AKT3: variants seen among roughly 807,000 people sequenced by gnomAD.
AKT3 encodes RAC-gamma serine/threonine-protein kinase.
AKT3 carries 15 observed loss-of-function variants against 65.3 expected under a neutral mutation model. The ratio of observed to expected loss-of-function variants is 0.23; its 90% CI spans 0.15 to 0.35. AKT3 has a LOEUF of 0.35. Ranked by LOEUF, AKT3 falls within the 10% of genes least tolerant of loss-of-function variation. The probability of loss-of-function intolerance (pLI) is 1.00; values close to 1 mark genes in which losing one functional copy is unlikely to be tolerated. For synonymous variants in AKT3, 206 were observed against 183.8 expected (o/e 1.12, Z -0.98); for missense variants, 243 against 576.5 (o/e 0.42, Z 5.92).
At chr1:243,707,849 G>A (rs1685901369) in intron 2 of AKT3, among the ~76,000 whole-genome samples, 1 of 152,030 alleles carries the variant, frequency 6.6e-6, no homozygotes, top group Non-Finnish European at 1.5e-5. Flanking sequence ...ACAGGAATAA[G>A]TGTATTTCAA....
chr1:243,684,931 G>A (rs377145407), intron 3 of AKT3, among the ~76,000 whole-genome samples: 10 of 152,058 alleles, frequency 6.6e-5, no homozygotes, highest in Non-Finnish European at 1.3e-4. Context: ...TTTTTCATAT[G>A]TTGGTTGGCC....
At chr1:243,654,909 A>G (rs1288927316) in intron 4 of AKT3, among the ~76,000 whole-genome samples, 3 of 151,714 alleles carry the variant, frequency 2.0e-5, no homozygotes, top group African/African-American at 7.3e-5. Flanking sequence ...GAGATTAGGG[A>G]TTTTCTTCAT....
At chr1:243,720,494 G>C (rs1380396876) in intron 2 of AKT3, among the ~76,000 whole-genome samples, 4 of 143,064 alleles carry the variant, frequency 2.8e-5, no homozygotes, top group Non-Finnish European at 6.0e-5. Context: ...ATAATTAAAA[G>C]CTAAGTATAA....
intron 2 of AKT3, among the ~76,000 whole-genome samples, chr1:243,799,440 A>G (rs956928715): frequency 1.3e-5 from 2 of 152,224 alleles, no homozygotes; most frequent in Non-Finnish European, 2.9e-5. Flanking sequence ...TAAAAACTAT[A>G]CTGTTAATTA....
chr1:243,560,074 CCTAT>C (rs1463486202), intron 10 of AKT3, among the ~76,000 whole-genome samples: 1 of 152,044 alleles, frequency 6.6e-6, no homozygotes, highest in African/African-American at 2.4e-5. Context: ...CATTTCAATC[CCTAT>C]CTATGTGTCC....
chr1:243,743,763 C>T (rs1255075620), intron 2 of AKT3, among the ~76,000 whole-genome samples: 1 of 152,172 alleles, frequency 6.6e-6, no homozygotes, highest in Non-Finnish European at 1.5e-5. Context: ...CCTGTCATGC[C>T]TGTAATCCCA....
chr1:243,489,404 G>T (rs1665828761), intron 13 of AKT3, among the ~76,000 whole-genome samples: 1 of 152,226 alleles, frequency 6.6e-6, no homozygotes, highest in Admixed American at 6.5e-5. Context: ...GCCAAGTTGC[G>T]CCGTGCAGGC....
At chr1:243,780,418 G>T (rs2148305687) in intron 2 of AKT3, among the ~76,000 whole-genome samples, 1 of 151,930 alleles carries the variant, frequency 6.6e-6, no homozygotes, top group East Asian at 1.9e-4. Context: ...CTTGATTTTG[G>T]TAACTATAAT....
In AKT3 at chr1:243,842,709, C is replaced by T. The variant is rs879433906; in HGVS notation, c.46+416G>A. Among the ~76,000 whole-genome samples the T allele has an allele frequency of 5.3e-5, 8 of 152,276 alleles. No homozygotes were observed. The South Asian group carries it at 1.2e-3, about 24-fold the overall frequency. On this transcript the variant is annotated intron_variant, in intron 2 of 13. Transcript: ENST00000673466. The stretch of plus-strand genomic sequence containing the variant: ...ACCCTTTCCCCTTTTCTACTTTAAG[C>T]CATTCCCCTACAACCATTCAAACTG...
intron 2 of AKT3, among the ~76,000 whole-genome samples, chr1:243,820,398 C>T (rs951753986): frequency 6.6e-6 from 1 of 152,194 alleles, no homozygotes; most frequent in Non-Finnish European, 1.5e-5. Flanking sequence ...TGCCTCTTCT[C>T]CTCCAAATGA....
chr1:243,620,102 C>A (rs1044869253), intron 6 of AKT3, among the ~76,000 whole-genome samples: 1 of 98,168 alleles, frequency 1.0e-5, no homozygotes, highest in Non-Finnish European at 2.8e-5. Context: ...TGGGAGGTGA[C>A]TGGGATCAGG....
intron 8 of AKT3, among the ~76,000 whole-genome samples, chr1:243,587,766 A>T (rs1211633208): frequency 6.6e-6 from 1 of 152,190 alleles, no homozygotes; most frequent in African/African-American, 2.4e-5. Context: ...ACAATATAAT[A>T]CGATAAATTT....
chr1:243,616,387 C>T (rs1203279641), intron 6 of AKT3, among the ~76,000 whole-genome samples: 1 of 140,882 alleles, frequency 7.1e-6, no homozygotes, highest in Non-Finnish European at 1.5e-5. Flanking sequence ...ATATTTCAAA[C>T]CAAAAATAAA....
intron 2 of AKT3, among the ~76,000 whole-genome samples, chr1:243,803,819 CCT>C (rs944619894): frequency 2.0e-5 from 3 of 152,144 alleles, no homozygotes; most frequent in South Asian, 2.1e-4. Flanking sequence ...TTGCCATCCC[CCT>C]GACTCCTGGC....
chr1:243,666,159 A>G lies in AKT3; in HGVS notation c.173-1276T>C, dbSNP rs1682759376. Reference sequence around the variant, plus strand: ...GCTGTGATTACAGGCGTGCACCACCATGCCCAGCTTATTTTTCTAATTTTA... The same window carrying G: ...GCTGTGATTACAGGCGTGCACCACCGTGCCCAGCTTATTTTTCTAATTTTA... On this transcript the variant is annotated intron_variant, in intron 3 of 13. Coordinates refer to ENST00000673466, the MANE Select transcript of AKT3 (RefSeq NM_005465.7). Among the ~76,000 whole-genome samples the G allele has an allele frequency of 4.6e-5, 7 of 152,046 alleles. 1 individual carries two copies. In the South Asian group the frequency reaches 1.2e-3, roughly 27 times the overall value.
At chr1:243,602,687 A>C (rs951379498) in intron 8 of AKT3, among the ~76,000 whole-genome samples, 61 of 152,168 alleles carry the variant, frequency 4.0e-4, no homozygotes, top group Admixed American at 2.0e-4. Context: ...GCCGTATTGC[A>C]AAAAAATCAA....
At chr1:243,715,930 A>G (rs1686487017) in intron 2 of AKT3, among the ~76,000 whole-genome samples, 2 of 152,098 alleles carry the variant, frequency 1.3e-5, no homozygotes, top group South Asian at 4.1e-4. Flanking sequence ...TTAACAGAAT[A>G]ATGATGGCTT....
chr1:243,644,870 G>A (rs1279069856), intron 5 of AKT3, among the ~76,000 whole-genome samples: 7 of 152,074 alleles, frequency 4.6e-5, no homozygotes, highest in Non-Finnish European at 8.8e-5. Context: ...CAATGATGGA[G>A]GAACAAGGCA....
At chr1:243,608,293 A>T (rs1483343888) in intron 8 of AKT3, among the ~76,000 whole-genome samples, 1 of 152,212 alleles carries the variant, frequency 6.6e-6, no homozygotes, top group Non-Finnish European at 1.5e-5. Flanking sequence ...AACACATAAA[A>T]ATCACAAGCA....
Sources: gnomAD v4.1 joint callset for allele counts (sites outside exome capture counted in the v4.1 genomes callset) on GRCh38, gnomAD v4.1.1 for gene constraint, MANE v1.5 for transcripts, NCBI Gene and HGNC (gene_info 2026-07-23, HGNC 2026-07-21) for gene names.